Variants in LRRC19 observed in about 807,000 individuals in gnomAD.
LRRC19 encodes leucine rich repeat containing 19.
In LRRC19, 33 loss-of-function variants were observed where a neutral mutation model predicts 33.3. The ratio of observed to expected loss-of-function variants is 0.99; its 90% CI spans 0.75 to 1.33. The LOEUF is 1.33. LRRC19 is among the 40% of genes most tolerant of loss of function. The pLI is 0.00. For missense variants in LRRC19, 463 were observed against 417.3 expected (o/e 1.11, Z -0.95); for synonymous variants, 184 against 152.3 (o/e 1.21, Z -1.53).
intron 2 of LRRC19, 36 bp downstream of exon 2, chr9:26,999,578 G>T: frequency 6.9e-7 from 1 of 1,442,840 alleles, no homozygotes; most frequent in South Asian, 1.2e-5. Flanking sequence ...ATGTACCTTT[G>T]AAAATATTTT....
At position 26,995,577 on chromosome 9, in the gene LRRC19, C is replaced by G; in HGVS notation, c.1057G>C (p.Asp353His). Residue 353 changes from aspartate to histidine, a missense_variant, in exon 5 of 5, where the codon GAT becomes CAT. Asp to His is a moderately conservative substitution (Grantham distance 81). Transcript: ENST00000380055. The part of the protein sequence containing the change: ...EQLHSFVVDD[D>H]GFIEDKYIDI... ...ATATATTTGTCTTCAATAAATCCATCATCATCTACCACAAATGAATGTAAT... is the reference window on the plus strand; with the variant it reads ...ATATATTTGTCTTCAATAAATCCATGATCATCTACCACAAATGAATGTAAT... 6.3e-7 allele frequency: 1 copy of G among 1,598,524 alleles called. No homozygotes were observed. The highest frequency in any genetic ancestry group is 8.6e-7 in the Non-Finnish European group (1 of 1,166,594).
chr9:27,002,456 T>TGCCAAGA (rs1484826287), intron 1 of LRRC19, among the ~76,000 whole-genome samples: 2 of 152,252 alleles, frequency 1.3e-5, no homozygotes, highest in Admixed American at 1.3e-4. Flanking sequence ...TAATCCATTT[T>TGCCAAGA]TATTCCTGGA....
chr9:27,005,193 G>A lies in LRRC19; in HGVS notation c.-10+399C>T, dbSNP rs1369294091. On this transcript the variant is annotated intron_variant, in intron 1 of 4. Transcript: ENST00000380055. ...TTCAAGGAAAAAACCTAAGTAAGAA[G>A]AATAGTTATCAGCCTGCTTCAATAA... is the stretch of plus-strand genomic sequence containing the variant. Among the ~76,000 whole-genome samples the A allele has an allele frequency of 2.0e-5, 3 of 151,894 alleles. No homozygotes were observed. The East Asian group carries it at 5.8e-4, about 29-fold the overall frequency.
At position 26,999,638 on chromosome 9, in the gene LRRC19, T is replaced by C. The variant is rs748876831; in HGVS notation, c.57A>G (p.Ser19=). ...LFWPLSMILL[S]DKIQSSKREV... is the part of the protein sequence containing the mutation. ...CTCTTTTAGAAGACTGGATTTTGTCTGATAATAATATCATGGAGAGGGGCC... is the reference window on the plus strand; with the variant it reads ...CTCTTTTAGAAGACTGGATTTTGTCCGATAATAATATCATGGAGAGGGGCC... Residue 19 remains serine, a synonymous_variant, in exon 2 of 5, where the codon TCA becomes TCG. Coordinates refer to ENST00000380055, the MANE Select transcript of LRRC19 (RefSeq NM_022901.3). 12 of 1,608,102 alleles carry C rather than the reference T, an allele frequency of 7.5e-6. No individual in the cohort carries two copies. The highest frequency in any genetic ancestry group is 6.7e-5 in the South Asian group (6 of 89,470).
At chr9:27,004,274 A>T (rs550076574) in intron 1 of LRRC19, among the ~76,000 whole-genome samples, 6 of 152,334 alleles carry the variant, frequency 3.9e-5, no homozygotes, top group East Asian at 1.9e-4. Flanking sequence ...AATCATAAGG[A>T]TTAGAAAAGG....
intron 1 of LRRC19, among the ~76,000 whole-genome samples, chr9:27,005,109 C>T (rs1828699472): frequency 6.6e-6 from 1 of 151,850 alleles, no homozygotes; most frequent in African/African-American, 2.4e-5. Flanking sequence ...AACTTTGTTT[C>T]CTTATTTAAC....
rs190111717 is a variant in LRRC19, at chr9:26,997,483, G to A, written c.595+245C>T. Among the ~76,000 whole-genome samples the A allele has an allele frequency of 3.6e-4, 54 of 151,938 alleles. No homozygotes were observed. The East Asian group carries it at 7.7e-3, about 22-fold the overall frequency. On this transcript the variant is annotated intron_variant, in intron 3 of 4. Transcript: ENST00000380055. The stretch of plus-strand genomic sequence containing the variant: ...TGAGTACCTGGTACTACAGGCATGC[G>A]CCACCATACCCAGCTAATTTTTGTA...
rs1355614684 is a variant in LRRC19, at chr9:26,996,515, G to A, written c.596-16C>T. On this transcript the variant is annotated splice_polypyrimidine_tract_variant and intron_variant, in intron 3 of 4. Transcript: ENST00000380055. Reference sequence around the variant, plus strand: ...TTCTCATTTTCTAGTAAATCAGAAAGAATAAGATTTAGTATAGAGAAAAAT... The same window carrying A: ...TTCTCATTTTCTAGTAAATCAGAAAAAATAAGATTTAGTATAGAGAAAAAT... The A allele has an allele frequency of 7.1e-7, 1 of 1,403,482 alleles. No individual in the cohort carries two copies. Among genetic ancestry groups the A allele is most frequent in the Admixed American group, 2.5e-5 (1 of 40,324 alleles). The allele number at this position is 1,403,482 out of a possible 1,614,324, so 86.9% of individuals were successfully genotyped here.
intron 1 of LRRC19, among the ~76,000 whole-genome samples, chr9:27,001,214 C>G (rs1270884362): frequency 6.6e-6 from 1 of 152,028 alleles, no homozygotes; most frequent in Non-Finnish European, 1.5e-5. Flanking sequence ...TGTTGATGGG[C>G]ACTTAGGTTG....
chr9:27,000,019 C>T (rs1039749307), intron 1 of LRRC19, among the ~76,000 whole-genome samples: 1 of 152,090 alleles, frequency 6.6e-6, no homozygotes, highest in Non-Finnish European at 1.5e-5. Context: ...CATTTCCCCC[C>T]AGCCACTGGC....
intron 2 of LRRC19, among the ~76,000 whole-genome samples, chr9:26,998,529 A>T (rs540269935): frequency 3.3e-5 from 5 of 152,246 alleles, no homozygotes; most frequent in Non-Finnish European, 7.3e-5. Context: ...TGCTACTGGA[A>T]TATTCCCATT....
At chr9:26,999,911 C>G (rs1368075033) in intron 1 of LRRC19, among the ~76,000 whole-genome samples, 2 of 151,460 alleles carry the variant, frequency 1.3e-5, no homozygotes, top group Non-Finnish European at 2.9e-5. Flanking sequence ...AGCTGAAACA[C>G]AAGCATGCAC....
chr9:26,997,076 G>T (rs1413668926), intron 3 of LRRC19, among the ~76,000 whole-genome samples: 1 of 151,832 alleles, frequency 6.6e-6, no homozygotes, highest in Non-Finnish European at 1.5e-5. Flanking sequence ...GCCAGGCGTG[G>T]TGGCTCATGA....
chr9:26,997,738 A>G lies in LRRC19; in HGVS notation c.585T>C (p.Asn195=), dbSNP rs909233568. 1 of 1,601,564 alleles carries G rather than the reference A, an allele frequency of 6.2e-7. No individual in the cohort carries two copies. Among genetic ancestry groups the G allele is most frequent in the Non-Finnish European group, 8.5e-7 (1 of 1,176,256 alleles). ...FNLQNWLNTS[N]VTLENENITM... Reference sequence around the variant, plus strand: ...ATTATGATAGCTTACCTAATGTCACATTTGATGTGTTCAACCAGTTCTGCA... The same window carrying G: ...ATTATGATAGCTTACCTAATGTCACGTTTGATGTGTTCAACCAGTTCTGCA... Residue 195 remains asparagine, a synonymous_variant, in exon 3 of 5, where the codon AAT becomes AAC. Transcript: ENST00000380055.
In LRRC19 at chr9:26,995,485, G is replaced by A. The variant is rs966529403; in HGVS notation, c.*36C>T. On this transcript the variant is annotated 3_prime_UTR_variant, in exon 5 of 5. Coordinates refer to ENST00000380055, the MANE Select transcript of LRRC19 (RefSeq NM_022901.3). The stretch of plus-strand genomic sequence containing the variant: ...TCTCCATATCTAAACTGAGTGAGCT[G>A]ATAACTTTGCTTTAAAAAGCAAACT... 4.0e-6 allele frequency: 5 copies of A among 1,245,642 alleles called. No individual in the cohort carries two copies. Among genetic ancestry groups the A allele is most frequent in the African/African-American group, 3.0e-5 (2 of 66,104 alleles). 77.2% of individuals were successfully genotyped at this position (1,245,642 alleles called of 1,614,324 possible). A position where few individuals can be genotyped will look rare whatever the true frequency, so the allele number is the denominator to read the frequency against.
chr9:26,997,203 ACT>A (rs1343158478), intron 3 of LRRC19, among the ~76,000 whole-genome samples: 1 of 143,726 alleles, frequency 7.0e-6, no homozygotes, highest in Non-Finnish European at 1.5e-5. Flanking sequence ...TAATAACAAA[ACT>A]CTGTCTCAAA....
intron 1 of LRRC19, among the ~76,000 whole-genome samples, chr9:27,004,782 TG>T (rs1299366383): frequency 6.6e-6 from 1 of 152,162 alleles, no homozygotes; most frequent in African/African-American, 2.4e-5. Context: ...GAATAGAAGA[TG>T]GAATATCAGT....
At chr9:27,000,509 T>C (rs1039601813) in intron 1 of LRRC19, among the ~76,000 whole-genome samples, 1 of 152,220 alleles carries the variant, frequency 6.6e-6, no homozygotes, top group Non-Finnish European at 1.5e-5. Flanking sequence ...AAAAATTTTA[T>C]TGAGGCGTGG....
Position 26,997,818 on chromosome 9 carries a change from C to G in LRRC19, c.505G>C (p.Glu169Gln). Reference protein sequence around the residue: ...YLDVPPLFHLELITLYGNLWN... With the variant: ...YLDVPPLFHLQLITLYGNLWN... Reference sequence around the variant, plus strand: ...AGGTTTCCATATAAAGTTATTAATTCCAGATGAAATAGTGGTGGTACATCC... The same window carrying G: ...AGGTTTCCATATAAAGTTATTAATTGCAGATGAAATAGTGGTGGTACATCC... Residue 169 changes from glutamate (E) to glutamine (Q), a missense_variant, in exon 3 of 5, where the codon GAA becomes CAA. Glu to Gln is a conservative substitution (Grantham distance 29). Transcript: ENST00000380055. 5 of 1,614,110 alleles carry G rather than the reference C, an allele frequency of 3.1e-6. No individual in the cohort carries two copies. The highest frequency in any genetic ancestry group is 1.1e-5 in the South Asian group (1 of 91,056).
Sources: allele counts gnomAD v4.1 joint callset (sites outside exome capture counted in the v4.1 genomes callset), GRCh38; gene constraint gnomAD v4.1.1; transcripts MANE v1.5; gene names NCBI Gene and HGNC (gene_info 2026-07-23, HGNC 2026-07-21).